Variants in RGL1 observed in about 807,000 individuals in gnomAD.
RGL1 encodes the protein ral guanine nucleotide dissociation stimulator-like 1.
In RGL1, 24 loss-of-function variants were observed where a neutral mutation model predicts 95.2. That is an observed-to-expected ratio of 0.25 (90% CI 0.18 to 0.35). The LOEUF is 0.35. Among genes scored for constraint, RGL1 ranks in the 10% least tolerant of loss-of-function variants. RGL1 has a pLI of 1.00. For synonymous variants in RGL1, 329 were observed against 344.9 expected, an observed-to-expected ratio of 0.95 and a Z score of 0.51; for missense variants, 715 against 936.3, an observed-to-expected ratio of 0.76 and a Z score of 3.08.
chr1:183,676,427 C>T (rs754335973), intron 1 of RGL1, among the ~76,000 whole-genome samples: 28 of 151,970 alleles, frequency 1.8e-4, no homozygotes, highest in Admixed American at 3.9e-4. Flanking sequence ...GTCTTTTCTT[C>T]CCTACACGAA....
intron 4 of RGL1, among the ~76,000 whole-genome samples, chr1:183,874,610 G>C (rs1666379280): frequency 6.6e-6 from 1 of 151,390 alleles, no homozygotes; most frequent in Non-Finnish European, 1.5e-5. Context: ...TTATTTCCCT[G>C]GTCTTTTCTC....
intron 1 of RGL1, among the ~76,000 whole-genome samples, chr1:183,658,251 G>C (rs923039473): frequency 6.6e-6 from 1 of 152,334 alleles, no homozygotes; most frequent in East Asian, 1.9e-4. Context: ...GAAGCAGGGC[G>C]AGGCATTGCC....
rs1245492376 is a variant in RGL1 at position 183,883,813 on chromosome 1, G to A, written c.638G>A (p.Ser213Asn). ...GGGCTTCCCAACACGATCTCCTTCA[G>A]CCTGGAAGAGGAAGAGGAACTGGAG... Reference protein sequence around the residue: ...DNGLPNTISFSLEEEEELEGG... With the variant: ...DNGLPNTISFNLEEEEELEGG... The change falls in exon 6 of 18, where the codon AGC (serine) becomes AAC (asparagine). Residue 213 changes from serine (S) to asparagine (N), a missense_variant. Coordinates refer to ENST00000360851, the MANE Select transcript of RGL1 (RefSeq NM_001297671.3). 6.2e-7 allele frequency: 1 copy of A among 1,613,988 alleles called. No individual in the cohort carries two copies. Among genetic ancestry groups the A allele is most frequent in the African/African-American group, 1.3e-5 (1 of 74,940 alleles).
chr1:183,638,843 G>A (rs1488886936), intron 1 of RGL1, among the ~76,000 whole-genome samples: 6 of 152,188 alleles, frequency 3.9e-5, no homozygotes, highest in Admixed American at 1.3e-4. Context: ...TTTCTGTGAT[G>A]ATGCAAACAG....
chr1:183,879,138 A>G (rs557892397), intron 4 of RGL1, among the ~76,000 whole-genome samples: 27 of 152,348 alleles, frequency 1.8e-4, no homozygotes, highest in African/African-American at 6.0e-4. Context: ...GGTTTCATGT[A>G]TCTACTTTAG....
At chr1:183,732,071 A>G (rs991940879) in intron 1 of RGL1, among the ~76,000 whole-genome samples, 2 of 152,082 alleles carry the variant, frequency 1.3e-5, no homozygotes, top group East Asian at 3.9e-4. Flanking sequence ...ATTTAAGGAA[A>G]CTACACGTCA....
In RGL1 at chr1:183,869,800, A is replaced by G. The variant is rs1162928739; in HGVS notation, c.425+3727A>G. On this transcript the variant is annotated intron_variant, in intron 4 of 17. Coordinates refer to ENST00000360851, the MANE Select transcript of RGL1 (RefSeq NM_001297671.3). ...ATCTTCTCCCATCTGTATGTAATGT[A>G]TTGCAAATTTCCTGGTCATCCCAGA... 6.6e-5 allele frequency among the ~76,000 whole-genome samples: 10 copies of G among 152,270 alleles called. No individual in the cohort carries two copies. The East Asian group carries it at 1.2e-3, about 18-fold the overall frequency.
At chr1:183,789,058 A>G (rs1290630393) in intron 2 of RGL1, among the ~76,000 whole-genome samples, 14 of 152,236 alleles carry the variant, frequency 9.2e-5, no homozygotes, top group African/African-American at 3.1e-4. Context: ...TTTTCTCTCA[A>G]CATTTATCAT....
At chr1:183,887,238 A>G (rs74133019) in intron 7 of RGL1, among the ~76,000 whole-genome samples, 1,188 of 23,718 alleles carry the variant, frequency 0.05, 29 homozygotes, top group African/African-American at 0.15. Flanking sequence ...CTTTCCAAAT[A>G]AGGGGAGGAC....
At chr1:183,644,912 A>T (rs2101983088) in intron 1 of RGL1, among the ~76,000 whole-genome samples, 1 of 152,312 alleles carries the variant, frequency 6.6e-6, no homozygotes, top group South Asian at 2.1e-4. Context: ...CTAGTCACAT[A>T]GAAAATCGAT....
chr1:183,868,370 A>G (rs1207515390), intron 4 of RGL1, among the ~76,000 whole-genome samples: 1 of 152,124 alleles, frequency 6.6e-6, no homozygotes, highest in Non-Finnish European at 1.5e-5. Flanking sequence ...TTTTTATAGG[A>G]GGGAAACAAT....
At chr1:183,805,034 A>G, upstream of RGL1, 1 of 356,452 alleles carries the variant, frequency 2.8e-6, no homozygotes, top group Non-Finnish European at 5.0e-6. Flanking sequence ...TGTGCTCACA[A>G]GCACAAACAG....
chr1:183,835,941 T>G (rs1663619724), intron 2 of RGL1, among the ~76,000 whole-genome samples: 1 of 152,178 alleles, frequency 6.6e-6, no homozygotes, highest in Non-Finnish European at 1.5e-5. Context: ...TTGCTTTGTG[T>G]TTTTAGGGAA....
intron 3 of RGL1, among the ~76,000 whole-genome samples, chr1:183,848,445 A>G (rs1664594693): frequency 6.6e-6 from 1 of 152,232 alleles, no homozygotes; most frequent in Non-Finnish European, 1.5e-5. Flanking sequence ...GGGAGGAAGA[A>G]AGCTGTCAGC....
Position 183,920,684 on chromosome 1 carries a change from C to T in RGL1, c.2005-1538C>T, listed in dbSNP as rs79377828. Among the ~76,000 whole-genome samples, 485 of 152,328 alleles carry T rather than the reference C, an allele frequency of 3.2e-3. 3 individuals carry two copies. Among genetic ancestry groups the T allele is most frequent in the Middle Eastern group, 0.01 (3 of 294 alleles). ...GCTTTCTGCTACTAGTCCAGTGTGA[C>T]CCAGCTTTGGGAGTATTTTCTTCAT... On this transcript the variant is annotated intron_variant, in intron 16 of 17. Transcript: ENST00000360851.
chr1:183,718,502 C>G (rs2102196994), intron 1 of RGL1, among the ~76,000 whole-genome samples: 1 of 152,234 alleles, frequency 6.6e-6, no homozygotes, highest in East Asian at 1.9e-4. Context: ...TTTGGGGATA[C>G]ATGAGCAAAG....
chr1:183,677,406 A>G (rs1000313222), intron 1 of RGL1, among the ~76,000 whole-genome samples: 6 of 152,052 alleles, frequency 3.9e-5, no homozygotes, highest in African/African-American at 1.4e-4. Flanking sequence ...AGAAACTCCA[A>G]AGGGGAGGCT....
chr1:183,924,931 A>C (rs1436363574), intron 17 of RGL1, among the ~76,000 whole-genome samples: 1 of 152,034 alleles, frequency 6.6e-6, no homozygotes, highest in Admixed American at 6.5e-5. Context: ...GTGCCACTGC[A>C]CTGCAGCCTG....
intron 2 of RGL1, among the ~76,000 whole-genome samples, chr1:183,746,974 G>C (rs981948877): frequency 1.3e-5 from 2 of 152,092 alleles, no homozygotes; most frequent in Admixed American, 6.6e-5. Flanking sequence ...TCCCTGCAAA[G>C]GACATGAACT....
Sources: gnomAD v4.1 joint callset for allele counts (sites outside exome capture counted in the v4.1 genomes callset) on GRCh38, gnomAD v4.1.1 for gene constraint, MANE v1.5 for transcripts, NCBI Gene and HGNC (gene_info 2026-07-23, HGNC 2026-07-21) for gene names.